The following SUGCT variants were observed in gnomAD, a reference collection of about 807,000 sequenced individuals.
The protein encoded by SUGCT is succinyl-CoA:glutarate CoA-transferase.
In SUGCT, 41 loss-of-function variants were observed where a neutral mutation model predicts 55.0. The ratio of observed to expected loss-of-function variants is 0.74; its 90% CI spans 0.58 to 0.97. The LOEUF (loss-of-function observed/expected upper bound fraction) is 0.97. SUGCT is among the 50% of genes least tolerant of loss of function. The pLI, the probability that SUGCT is intolerant of heterozygous loss-of-function variation, is 0.00. For missense variants in SUGCT, 568 were observed against 547.8 expected (o/e 1.04, Z -0.37); for synonymous variants, 187 against 200.4 (o/e 0.93, Z 0.56).
chr7:40,276,920 A>G (rs1354728564), intron 8 of SUGCT, among the ~76,000 whole-genome samples: 2 of 152,128 alleles, frequency 1.3e-5, no homozygotes, highest in East Asian at 3.9e-4. Context: ...GTACCATGGT[A>G]TCCTCAATTC....
intron 12 of SUGCT, among the ~76,000 whole-genome samples, chr7:40,536,698 G>A (rs1440914122): frequency 1.3e-5 from 2 of 152,180 alleles, no homozygotes; most frequent in Non-Finnish European, 2.9e-5. Flanking sequence ...GTCCTTGGGA[G>A]TTTACAGACA....
chr7:40,148,954 G>A (rs1215876178), intron 1 of SUGCT, among the ~76,000 whole-genome samples: 1 of 152,134 alleles, frequency 6.6e-6, no homozygotes, highest in Non-Finnish European at 1.5e-5. Context: ...GTCTTCCAGG[G>A]AGGGGAGGAA....
the SUGCT span, among the ~76,000 whole-genome samples, chr7:40,868,026 G>A: frequency 6.6e-6 from 1 of 152,114 alleles, no homozygotes; most frequent in Non-Finnish European, 1.5e-5. Flanking sequence ...AGTTCTATGA[G>A]ACAGAAACTG....
chr7:40,535,518 C>G lies in SUGCT; in HGVS notation c.1089+39132C>G, dbSNP rs142793313. 1.0e-3 allele frequency among the ~76,000 whole-genome samples: 157 copies of G among 152,330 alleles called. 2 individuals carry two copies. The highest frequency in any genetic ancestry group is 8.1e-4 in the Non-Finnish European group (55 of 68,038). On this transcript the variant is annotated intron_variant, in intron 12 of 13. Coordinates refer to ENST00000335693, the MANE Select transcript of SUGCT (RefSeq NM_001193313.2). Reference sequence around the variant, plus strand: ...CCTGAAAGAACACAGAACTGCCATTCAGCCCAGCAATCCTATTAGTGAGTG... The same window carrying G: ...CCTGAAAGAACACAGAACTGCCATTGAGCCCAGCAATCCTATTAGTGAGTG...
At chr7:40,944,266 T>C in the SUGCT span, among the ~76,000 whole-genome samples, 20 of 151,880 alleles carry the variant, frequency 1.3e-4, no homozygotes, top group Non-Finnish European at 2.2e-4. Flanking sequence ...TTTTGCTGTG[T>C]AGAAGCTCTT....
the SUGCT span, among the ~76,000 whole-genome samples, chr7:40,957,578 G>T: frequency 5.3e-5 from 8 of 150,902 alleles, no homozygotes; most frequent in Admixed American, 5.3e-4. Flanking sequence ...GCACACTGAT[G>T]GGTCTTGACT....
chr7:40,203,647 C>T (rs899371278), intron 6 of SUGCT, among the ~76,000 whole-genome samples: 16 of 151,658 alleles, frequency 1.1e-4, no homozygotes, highest in Admixed American at 3.9e-4. Context: ...TGGTGGTGCA[C>T]GCCTGTAATC....
intron 13 of SUGCT, among the ~76,000 whole-genome samples, chr7:40,775,367 C>T (rs117274279): frequency 2.6e-5 from 4 of 152,314 alleles, no homozygotes; most frequent in Non-Finnish European, 5.9e-5. Flanking sequence ...TTTGGCAGGA[C>T]ATAGAGTCCC....
Position 40,860,644 on chromosome 7 carries a change from C to G in SUGCT, c.*165C>G. 1.7e-6 allele frequency: 1 copy of G among 571,596 alleles called. No individual in the cohort carries two copies. The highest frequency in any genetic ancestry group is 2.8e-6 in the Non-Finnish European group (1 of 363,078). The allele number at this position is 571,596 out of a possible 1,614,324, so 35.4% of individuals were successfully genotyped here. On this transcript the variant is annotated 3_prime_UTR_variant, in exon 14 of 14. Transcript: ENST00000335693. ...CAGAATGGCTCTGGTATTAATGAAT[C>G]TAGTGCCTTTTAAATGTATCCCACG...
At position 40,804,499 on chromosome 7, in the gene SUGCT, C is replaced by T. The variant is rs141471460; in HGVS notation, c.1153+55002C>T. On this transcript the variant is annotated intron_variant, in intron 13 of 13. Transcript: ENST00000335693. ...CTCATCCTGCATCTGTTTATATCTA[C>T]GAGTTGAAGTAGTGAGGTCATCTAC... is the stretch of plus-strand genomic sequence containing the variant. Among the ~76,000 whole-genome samples, 32 of 151,616 alleles carry T rather than the reference C, an allele frequency of 2.1e-4. No homozygotes were observed. In the East Asian group the frequency reaches 3.9e-3, roughly 18 times the overall value.
intron 8 of SUGCT, among the ~76,000 whole-genome samples, chr7:40,290,275 C>T (rs1323596666): frequency 2.6e-5 from 4 of 152,148 alleles, no homozygotes; most frequent in Non-Finnish European, 5.9e-5. Flanking sequence ...GCTACAGTAA[C>T]CAAAACAGCA....
At chr7:40,915,898 A>G in the SUGCT span, among the ~76,000 whole-genome samples, 1 of 152,214 alleles carries the variant, frequency 6.6e-6, no homozygotes, top group Non-Finnish European at 1.5e-5. Flanking sequence ...CCACCATTGT[A>G]TATTGGGCAT....
intron 12 of SUGCT, among the ~76,000 whole-genome samples, chr7:40,661,468 C>T (rs915194163): frequency 6.6e-6 from 1 of 152,174 alleles, no homozygotes; most frequent in Non-Finnish European, 1.5e-5. Flanking sequence ...AAAAACAAAT[C>T]CCCTTAATTT....
intron 9 of SUGCT, among the ~76,000 whole-genome samples, chr7:40,402,680 G>A (rs909349780): frequency 6.6e-6 from 1 of 151,888 alleles, no homozygotes; most frequent in Non-Finnish European, 1.5e-5. Context: ...ATCCATGTAT[G>A]TATTTTAATA....
At chr7:40,844,252 A>G (rs572567806) in intron 13 of SUGCT, among the ~76,000 whole-genome samples, 115 of 152,264 alleles carry the variant, frequency 7.6e-4, no homozygotes, top group African/African-American at 2.6e-3. Context: ...AGCTCAGTGG[A>G]GGGTCAGGGT....
At chr7:40,903,940 A>G in the SUGCT span, among the ~76,000 whole-genome samples, 4 of 152,160 alleles carry the variant, frequency 2.6e-5, no homozygotes, top group African/African-American at 9.7e-5. Context: ...GGAATTGAGG[A>G]CCACAAGAAA....
chr7:40,256,776 C>G (rs1270717677), intron 7 of SUGCT, among the ~76,000 whole-genome samples: 8 of 152,144 alleles, frequency 5.3e-5, no homozygotes. Flanking sequence ...CAGAGTCTCA[C>G]TCTGTCACCC....
intron 13 of SUGCT, among the ~76,000 whole-genome samples, chr7:40,838,857 A>G (rs948393394): frequency 8.6e-5 from 13 of 151,986 alleles, no homozygotes; most frequent in Non-Finnish European, 1.9e-4. Context: ...TTTATCATTA[A>G]GTATGAAGGT....
At chr7:40,407,669 A>G (rs947701370) in intron 9 of SUGCT, among the ~76,000 whole-genome samples, 5 of 152,104 alleles carry the variant, frequency 3.3e-5, no homozygotes, top group African/African-American at 1.2e-4. Context: ...ACTCCTCTGC[A>G]AAAGGATTTG....
Sources: allele counts gnomAD v4.1 joint callset (sites outside exome capture counted in the v4.1 genomes callset), GRCh38; gene constraint gnomAD v4.1.1; transcripts MANE v1.5; gene names NCBI Gene and HGNC (gene_info 2026-07-23, HGNC 2026-07-21).